NAV2: variants seen among roughly 807,000 people sequenced by gnomAD.
The protein encoded by NAV2 is neuron navigator 2, also known as helicase, APC down-regulated 1.
In NAV2, 54 loss-of-function variants were observed where a neutral mutation model predicts 223.2. That is an observed-to-expected ratio of 0.24 (90% confidence interval 0.19 to 0.30). The LOEUF is 0.30. Ranked by LOEUF, NAV2 falls within the 10% of genes least tolerant of loss-of-function variation. The pLI is 1.00. For missense variants in NAV2, 2,806 were observed against 3,147.5 expected (o/e 0.89, Z 2.60); for synonymous variants, 1,279 against 1,239.3 (o/e 1.03, Z -0.67).
chr11:19,648,475 G>A (rs2047878411), intron 1 of NAV2, among the ~76,000 whole-genome samples: 1 of 152,190 alleles, frequency 6.6e-6, no homozygotes, highest in African/African-American at 2.4e-5. Flanking sequence ...CTGCCTGATA[G>A]GCCTCAAGCA....
At chr11:19,909,916 A>G (rs900332168) in intron 6 of NAV2, among the ~76,000 whole-genome samples, 15 of 152,180 alleles carry the variant, frequency 9.9e-5, no homozygotes, top group Admixed American at 7.9e-4. Context: ...AATAACTTAT[A>G]TAACTGCTTA....
At chr11:19,390,807 T>C (rs1203384524) in intron 1 of NAV2, among the ~76,000 whole-genome samples, 2 of 152,172 alleles carry the variant, frequency 1.3e-5, no homozygotes, top group African/African-American at 4.8e-5. Context: ...AAGCCAAATG[T>C]ACCAGGAGGC....
intron 1 of NAV2, among the ~76,000 whole-genome samples, chr11:19,449,132 G>T (rs1264635789): frequency 1.3e-5 from 2 of 152,136 alleles, no homozygotes; most frequent in South Asian, 2.1e-4. Context: ...CCCAGCTCCT[G>T]GTTCTGTTAA....
chr11:19,359,961 T>C (rs1278500330), intron 1 of NAV2, among the ~76,000 whole-genome samples: 1 of 152,146 alleles, frequency 6.6e-6, no homozygotes, highest in Non-Finnish European at 1.5e-5. Flanking sequence ...CCACCCACCA[T>C]CACTACTCGT....
chr11:19,614,289 G>A (rs1028954641), intron 1 of NAV2, among the ~76,000 whole-genome samples: 9 of 152,144 alleles, frequency 5.9e-5, no homozygotes, highest in East Asian at 1.9e-4. Flanking sequence ...GCCTAGTTCC[G>A]CGAGACACCT....
chr11:19,431,222 C>T (rs898563657), intron 1 of NAV2, among the ~76,000 whole-genome samples: 14 of 152,072 alleles, frequency 9.2e-5, no homozygotes, highest in Admixed American at 7.2e-4. Flanking sequence ...GGTTAAAGCC[C>T]GAAGTGGGAA....
At chr11:19,506,157 G>A (rs532230534) in intron 1 of NAV2, 3 of 152,428 alleles carry the variant, frequency 2.0e-5, no homozygotes, top group African/African-American at 7.2e-5. Context: ...CTGCACTTCA[G>A]GATTGTATCA....
At chr11:19,874,531 G>C (rs994701477) in intron 4 of NAV2, among the ~76,000 whole-genome samples, 1 of 152,202 alleles carries the variant, frequency 6.6e-6, no homozygotes, top group Non-Finnish European at 1.5e-5. Context: ...AAACATTCTT[G>C]TGGGGCTTTG....
intron 22 of NAV2, among the ~76,000 whole-genome samples, chr11:20,069,004 A>C (rs183923615): frequency 6.6e-6 from 1 of 152,234 alleles, no homozygotes; most frequent in East Asian, 1.9e-4. Flanking sequence ...ATAACATGAT[A>C]ACTGTTAAGA....
upstream of NAV2, among the ~76,000 whole-genome samples, chr11:19,708,562 T>C (rs989457275): frequency 6.6e-6 from 1 of 151,904 alleles, no homozygotes; most frequent in Non-Finnish European, 1.5e-5. Flanking sequence ...TTAACTAAGA[T>C]GAAGGATGGG....
chr11:19,758,578 A>C (rs184936306), intron 1 of NAV2, among the ~76,000 whole-genome samples: 1 of 152,304 alleles, frequency 6.6e-6, no homozygotes, highest in Non-Finnish European at 1.5e-5. Flanking sequence ...ATGGCCAAGG[A>C]CAGGCCCAGG....
chr11:19,719,516 G>A (rs1184867842), intron 1 of NAV2, among the ~76,000 whole-genome samples: 1 of 152,168 alleles, frequency 6.6e-6, no homozygotes, highest in Non-Finnish European at 1.5e-5. Context: ...GGTTCAGTGA[G>A]ATATTCCAGG....
chr11:19,595,773 G>A (rs991264005), intron 1 of NAV2, among the ~76,000 whole-genome samples: 2 of 151,784 alleles, frequency 1.3e-5, no homozygotes, highest in Non-Finnish European at 2.9e-5. Flanking sequence ...TGTTGCCCAG[G>A]CTGGTCTCAA....
chr11:19,935,863 T>TGTTTTTTTTTTTTTTTTG (rs553290951), intron 7 of NAV2, among the ~76,000 whole-genome samples: 2 of 110,170 alleles, frequency 1.8e-5, no homozygotes, highest in African/African-American at 6.5e-5. Flanking sequence ...TTTTTTTTTT[T>TGTTTTTTTTTTTTTTTTG]TTTTTTTTTT....
chr11:19,506,228 C>T (rs1481657025), intron 1 of NAV2: 1 of 152,384 alleles, frequency 6.6e-6, no homozygotes, highest in African/African-American at 2.4e-5. Flanking sequence ...AGAGTGTTTT[C>T]ATCCAAATCT....
intron 1 of NAV2, among the ~76,000 whole-genome samples, chr11:19,639,957 G>A (rs1177687205): frequency 6.6e-6 from 1 of 152,194 alleles, no homozygotes; most frequent in African/African-American, 2.4e-5. Context: ...CATGGGTGAA[G>A]GGAAGATGGG....
intron 1 of NAV2, among the ~76,000 whole-genome samples, chr11:19,413,281 C>A (rs1211284379): frequency 5.9e-5 from 9 of 152,022 alleles, no homozygotes. Flanking sequence ...GAAGCATAAA[C>A]AAGTATCAAT....
intron 1 of NAV2, among the ~76,000 whole-genome samples, chr11:19,459,571 T>A (rs913806997): frequency 6.6e-6 from 1 of 152,106 alleles, no homozygotes; most frequent in East Asian, 1.9e-4. Context: ...GGAGAAGAGC[T>A]AAAGGGTGGC....
At position 19,939,757 on chromosome 11, in the gene NAV2, T is replaced by C; in HGVS notation, c.2130T>C (p.Ala710=). 1 of 1,614,010 alleles carries C rather than the reference T, an allele frequency of 6.2e-7. No homozygotes were observed. The highest frequency in any genetic ancestry group is 8.5e-7 in the Non-Finnish European group (1 of 1,179,908). Residue 710 remains alanine, a synonymous_variant, in exon 8 of 38, where the codon GCT becomes GCC. Coordinates refer to ENST00000349880, the MANE Select transcript of NAV2 (RefSeq NM_145117.5). ...ACTTCACCAAGACTGGACAGCCTGC[T>C]CTGGAAGAACTCACTGGTGAGTATG... is the stretch of plus-strand genomic sequence containing the variant. ...PSHFTKTGQP[A]LEELTGEDPE...
Sources: gnomAD v4.1 joint callset for allele counts (sites outside exome capture counted in the v4.1 genomes callset) on GRCh38, gnomAD v4.1.1 for gene constraint, MANE v1.5 for transcripts, NCBI Gene and HGNC (gene_info 2026-07-23, HGNC 2026-07-21) for gene names.